MAPK10: variants seen among roughly 807,000 people sequenced by gnomAD.
MAPK10 encodes the protein mitogen-activated protein kinase 10, also known as JNK3 alpha protein kinase.
A neutral mutation model predicts 59.3 loss-of-function variants in MAPK10; 25 were observed. That is an observed-to-expected ratio of 0.42 (90% CI 0.31 to 0.59). The LOEUF is 0.59. Ranked by LOEUF, MAPK10 falls within the 20% of genes least tolerant of loss-of-function variation. The probability of loss-of-function intolerance (pLI) is 0.15; values close to 1 mark genes in which losing one functional copy is unlikely to be tolerated. For synonymous variants in MAPK10, 190 were observed against 200.5 expected, an observed-to-expected ratio of 0.95 and a Z score of 0.44; for missense variants, 351 against 568.9, an observed-to-expected ratio of 0.62 and a Z score of 3.90.
chr4:86,541,444 C>G (rs1348887510), intron 1 of MAPK10, among the ~76,000 whole-genome samples: 1 of 152,038 alleles, frequency 6.6e-6, no homozygotes, highest in Non-Finnish European at 1.5e-5. Flanking sequence ...GTAGCGTGAG[C>G]TTTTTCTATT....
intron 11 of MAPK10, among the ~76,000 whole-genome samples, chr4:86,054,901 T>A (rs2044258551): frequency 6.6e-6 from 1 of 152,116 alleles, no homozygotes; most frequent in Non-Finnish European, 1.5e-5. Flanking sequence ...AGAGAACAGC[T>A]GAGGGAGGAA....
At chr4:86,018,863 A>G (rs1052101261) in intron 13 of MAPK10, among the ~76,000 whole-genome samples, 1 of 152,254 alleles carries the variant, frequency 6.6e-6, no homozygotes, top group Non-Finnish European at 1.5e-5. Flanking sequence ...AAAGTCAGTT[A>G]TAATAGTGTT....
At chr4:86,117,427 T>C (rs1312413393) in intron 4 of MAPK10, 2 of 152,178 alleles carry the variant, frequency 1.3e-5, no homozygotes, top group Non-Finnish European at 2.9e-5. Context: ...CAAGGACCAG[T>C]GTTGAGTTCA....
intron 1 of MAPK10, among the ~76,000 whole-genome samples, chr4:86,416,038 T>C (rs1267592337): frequency 6.6e-6 from 1 of 152,224 alleles, no homozygotes; most frequent in Non-Finnish European, 1.5e-5. Flanking sequence ...GAATTGTGTC[T>C]TCCCAAAATG....
chr4:86,142,519 A>G (rs745346011), intron 4 of MAPK10, among the ~76,000 whole-genome samples: 57 of 152,270 alleles, frequency 3.7e-4, no homozygotes, highest in Non-Finnish European at 6.5e-4. Context: ...AGGGTGAGGG[A>G]GACAAACAGG....
At chr4:86,471,915 A>G (rs1446698419) in intron 1 of MAPK10, among the ~76,000 whole-genome samples, 1 of 152,202 alleles carries the variant, frequency 6.6e-6, no homozygotes, top group Non-Finnish European at 1.5e-5. Context: ...GTCTTTTAAT[A>G]AAATTACAGT....
chr4:86,193,986 C>T, intron 3 of MAPK10: 1 of 241,222 alleles, frequency 4.1e-6, no homozygotes, highest in Non-Finnish European at 8.1e-6. Flanking sequence ...CATGGCTTCC[C>T]TTGGCTAGGA....
At chr4:86,122,309 A>G (rs1650539162) in intron 4 of MAPK10, among the ~76,000 whole-genome samples, 1 of 152,134 alleles carries the variant, frequency 6.6e-6, no homozygotes, top group South Asian at 2.1e-4. Flanking sequence ...AGATAGTATT[A>G]TATTTTGGCT....
At chr4:86,505,273 C>A (rs1222706172) in intron 1 of MAPK10, among the ~76,000 whole-genome samples, 2 of 152,042 alleles carry the variant, frequency 1.3e-5, no homozygotes, top group Admixed American at 1.3e-4. Context: ...GCCCATATAA[C>A]CTGCCCATGT....
At chr4:86,506,574 T>A (rs1227225946) in intron 1 of MAPK10, among the ~76,000 whole-genome samples, 1 of 151,882 alleles carries the variant, frequency 6.6e-6, no homozygotes, top group African/African-American at 2.4e-5. Flanking sequence ...GACTCAAAGA[T>A]CCAACTACAA....
chr4:86,353,130 C>A (rs1182229158), intron 2 of MAPK10, among the ~76,000 whole-genome samples: 1 of 148,058 alleles, frequency 6.8e-6, no homozygotes, highest in South Asian at 2.2e-4. Flanking sequence ...TAATCTCTAC[C>A]ACATCCGTGG....
chr4:86,345,748 C>T (rs567202565), intron 2 of MAPK10, among the ~76,000 whole-genome samples: 11 of 152,254 alleles, frequency 7.2e-5, no homozygotes, highest in Admixed American at 2.0e-4. Context: ...CAAAACACCC[C>T]GCTCTAGACA....
At chr4:86,311,648 G>A (rs1385124504) in intron 2 of MAPK10, among the ~76,000 whole-genome samples, 4 of 152,188 alleles carry the variant, frequency 2.6e-5, no homozygotes, top group Middle Eastern at 3.4e-3. Context: ...ATTCCTAGGT[G>A]TGTTGCCTGC....
At chr4:86,103,344 G>T (rs914002748) in intron 5 of MAPK10, 100 bp from the exon 6 acceptor site, 7 of 673,204 alleles carry the variant, frequency 1.0e-5, no homozygotes, top group Non-Finnish European at 1.6e-5. Context: ...ACTCACTAGT[G>T]CTATGGCAGA....
chr4:86,077,002 A>G (rs921338896), intron 9 of MAPK10, among the ~76,000 whole-genome samples: 12 of 152,158 alleles, frequency 7.9e-5, no homozygotes, highest in African/African-American at 2.7e-4. Context: ...CTTAACATAA[A>G]TTATGAAATG....
chr4:86,469,936 T>C (rs1203444784), intron 1 of MAPK10, among the ~76,000 whole-genome samples: 2 of 152,238 alleles, frequency 1.3e-5, no homozygotes, highest in African/African-American at 4.8e-5. Flanking sequence ...CTAAAAGCCA[T>C]AGCAGAAAAC....
At chr4:86,445,518 C>A (rs1221183286) in intron 1 of MAPK10, among the ~76,000 whole-genome samples, 1 of 152,044 alleles carries the variant, frequency 6.6e-6, no homozygotes, top group African/African-American at 2.4e-5. Flanking sequence ...CACACATTTA[C>A]CTATGTAACA....
At chr4:86,326,551 ATG>A (rs1313534642) in intron 2 of MAPK10, 4 of 152,184 alleles carry the variant, frequency 2.6e-5, no homozygotes, top group Non-Finnish European at 5.9e-5. Flanking sequence ...TGAAAAAAGA[ATG>A]TGTCTTACAG....
At chr4:86,553,403 C>T (rs1760010245) in intron 1 of MAPK10, among the ~76,000 whole-genome samples, 1 of 152,170 alleles carries the variant, frequency 6.6e-6, no homozygotes, top group Admixed American at 6.5e-5. Context: ...CATCTGAAAA[C>T]TTTGAAAATT....
Sources: gnomAD v4.1 joint callset for allele counts (sites outside exome capture counted in the v4.1 genomes callset) on GRCh38, gnomAD v4.1.1 for gene constraint, MANE v1.5 for transcripts, NCBI Gene and HGNC (gene_info 2026-07-23, HGNC 2026-07-21) for gene names.